The following ACYP2 variants were observed in gnomAD, a reference collection of about 807,000 sequenced individuals.
The protein encoded by ACYP2 is acylphosphatase-2.
ACYP2 carries 12 observed loss-of-function variants against 11.2 expected under a neutral mutation model. That is an observed-to-expected ratio of 1.08 (90% CI 0.69 to 1.74). The LOEUF (loss-of-function observed/expected upper bound fraction) is 1.74, where lower values mean the gene tolerates loss of function less well. ACYP2 is among the 40% of genes most tolerant of loss of function. The pLI is 0.00. For synonymous variants in ACYP2, 43 were observed against 32.2 expected (o/e 1.33, Z -1.13); for missense variants, 134 against 101.9 (o/e 1.31, Z -1.35).
chr2:54,069,224 C>G (rs1456601487), intron 4 of ACYP2, among the ~76,000 whole-genome samples: 1 of 152,130 alleles, frequency 6.6e-6, no homozygotes, highest in Non-Finnish European at 1.5e-5. Flanking sequence ...AGCCACAGCA[C>G]CCAGCCAGGA....
At chr2:54,222,767 G>A (rs1248985433) in intron 6 of ACYP2, among the ~76,000 whole-genome samples, 1 of 152,048 alleles carries the variant, frequency 6.6e-6, no homozygotes, top group African/African-American at 2.4e-5. Context: ...TTACAGTCAT[G>A]TGGTCCCCTT....
intron 6 of ACYP2, chr2:54,253,890 G>C (rs1157070489): frequency 6.6e-6 from 1 of 152,186 alleles, no homozygotes; most frequent in Non-Finnish European, 1.5e-5. Context: ...ATGACAAAGA[G>C]AGCCAAGAAA....
chr2:53,973,853 A>ATG (rs1327140471), intron 2 of ACYP2: 62 of 113,416 alleles, frequency 5.5e-4, no homozygotes, highest in African/African-American at 2.5e-3. Flanking sequence ...TGGGATATAT[A>ATG]TATGTGTGTG....
chr2:54,013,466 A>G (rs903499773), intron 2 of ACYP2, among the ~76,000 whole-genome samples: 2 of 151,732 alleles, frequency 1.3e-5, no homozygotes, highest in Non-Finnish European at 2.9e-5. Flanking sequence ...ATGCCCAGCT[A>G]ATTTTGTATT....
intron 2 of ACYP2, among the ~76,000 whole-genome samples, chr2:53,981,734 C>G (rs571652250): frequency 5.9e-5 from 9 of 152,128 alleles, no homozygotes; most frequent in South Asian, 2.1e-4. Context: ...GCCACCAGAC[C>G]CTATTCTCCT....
intron 2 of ACYP2, among the ~76,000 whole-genome samples, chr2:53,987,725 G>C (rs765955766): frequency 2.0e-5 from 3 of 152,180 alleles, no homozygotes; most frequent in Non-Finnish European, 4.4e-5. Context: ...CTTCTAATGA[G>C]TAATGATGTT....
At chr2:54,264,206 C>G (rs530236523) in intron 6 of ACYP2, among the ~76,000 whole-genome samples, 1 of 152,152 alleles carries the variant, frequency 6.6e-6, no homozygotes, top group Non-Finnish European at 1.5e-5. Context: ...AAGCCGCAGA[C>G]CTTCTCAGTG....
intron 6 of ACYP2, among the ~76,000 whole-genome samples, chr2:54,233,774 T>C (rs1385396726): frequency 6.6e-6 from 1 of 152,246 alleles, no homozygotes; most frequent in Non-Finnish European, 1.5e-5. Context: ...TTGATCATTA[T>C]GTATTAGCTC....
At chr2:53,988,000 A>C (rs553247484) in intron 2 of ACYP2, among the ~76,000 whole-genome samples, 1 of 152,224 alleles carries the variant, frequency 6.6e-6, no homozygotes, top group East Asian at 1.9e-4. Flanking sequence ...ACAGAGCAAA[A>C]GTTTTTAATA....
At chr2:54,264,095 C>G (rs1029249676) in intron 6 of ACYP2, among the ~76,000 whole-genome samples, 4 of 152,110 alleles carry the variant, frequency 2.6e-5, no homozygotes, top group African/African-American at 9.7e-5. Context: ...GATGAGTGTT[C>G]TTAAAGATGG....
intron 2 of ACYP2, among the ~76,000 whole-genome samples, chr2:54,011,799 A>T (rs1673387853): frequency 6.6e-6 from 1 of 151,984 alleles, no homozygotes. Context: ...TGAGTAGCTC[A>T]GTAAGTTATC....
intron 4 of ACYP2, among the ~76,000 whole-genome samples, chr2:54,066,210 T>C (rs184530175): frequency 3.3e-5 from 5 of 152,318 alleles, no homozygotes; most frequent in African/African-American, 1.2e-4. Context: ...TTCCTCATGC[T>C]GTTCCCATGA....
chr2:54,202,216 C>T (rs376867628), intron 6 of ACYP2, among the ~76,000 whole-genome samples: 3 of 152,138 alleles, frequency 2.0e-5, no homozygotes, highest in African/African-American at 7.2e-5. Flanking sequence ...TCAAGCAGTT[C>T]TCCTGCCTTG....
At chr2:54,067,478 G>A (rs1676807025) in intron 4 of ACYP2, among the ~76,000 whole-genome samples, 1 of 152,172 alleles carries the variant, frequency 6.6e-6, no homozygotes, top group Non-Finnish European at 1.5e-5. Context: ...TGTAACTTAA[G>A]GATCTGTAGT....
At chr2:54,139,288 C>T (rs1035425643) in intron 6 of ACYP2, among the ~76,000 whole-genome samples, 5 of 152,134 alleles carry the variant, frequency 3.3e-5, no homozygotes, top group Non-Finnish European at 7.4e-5. Flanking sequence ...GCGTTCCAGG[C>T]AAAAAGATTG....
At chr2:54,129,300 T>A (rs993456363) in intron 4 of ACYP2, among the ~76,000 whole-genome samples, 2 of 152,148 alleles carry the variant, frequency 1.3e-5, no homozygotes, top group South Asian at 2.1e-4. Flanking sequence ...TTAATTAAAA[T>A]TTTTATTTTT....
rs369963103 is a variant in ACYP2, at chr2:54,011,725, C to G, written c.62+37915C>G. Among the ~76,000 whole-genome samples the G allele has an allele frequency of 1.2e-4, 12 of 100,378 alleles. No homozygotes were observed. In the East Asian group the frequency reaches 4.0e-3, roughly 33 times the overall value. The allele number at this position is 100,378 out of a possible 152,430, so 65.9% of individuals were successfully genotyped here. Reference sequence around the variant, plus strand: ...ATTTTCAGCCATTTTATATTCAAATCTTTTTTGGTGTATTTTTTTTTTTAA... The same window carrying G: ...ATTTTCAGCCATTTTATATTCAAATGTTTTTTGGTGTATTTTTTTTTTTAA... On this transcript the variant is annotated intron_variant, in intron 2 of 6. Coordinates refer to ENST00000607452, the MANE Select transcript of ACYP2 (RefSeq NM_001320586.2).
chr2:54,244,272 G>C (rs1380323469), intron 6 of ACYP2, among the ~76,000 whole-genome samples: 1 of 152,160 alleles, frequency 6.6e-6, no homozygotes, highest in Non-Finnish European at 1.5e-5. Flanking sequence ...TGCAATCTCA[G>C]TTCACTGCAA....
chr2:54,198,079 G>T (rs1221739879), intron 6 of ACYP2, among the ~76,000 whole-genome samples: 1 of 151,812 alleles, frequency 6.6e-6, no homozygotes, highest in Admixed American at 6.6e-5. Flanking sequence ...GAGTGCAGTG[G>T]CACGATCTTG....
Sources: gnomAD v4.1 joint callset for allele counts (sites outside exome capture counted in the v4.1 genomes callset) on GRCh38, gnomAD v4.1.1 for gene constraint, MANE v1.5 for transcripts, NCBI Gene and HGNC (gene_info 2026-07-23, HGNC 2026-07-21) for gene names.